Variants in ESYT3 observed in about 807,000 individuals in gnomAD.
The protein encoded by ESYT3 is extended synaptotagmin 3.
A neutral mutation model predicts 111.5 loss-of-function variants in ESYT3; 101 were observed. The ratio of observed to expected loss-of-function variants is 0.91; its 90% confidence interval spans 0.77 to 1.07. The LOEUF (loss-of-function observed/expected upper bound fraction) is 1.07, where lower values mean the gene tolerates loss of function less well. Among genes scored for constraint, ESYT3 ranks in the 50% least tolerant of loss-of-function variants. ESYT3 has a pLI of 0.00. For missense variants in ESYT3, 1,097 were observed against 1,109.4 expected (o/e 0.99, Z 0.16); for synonymous variants, 416 against 446.8 (o/e 0.93, Z 0.87).
chr3:138,463,179 C>G (rs1416733295), intron 8 of ESYT3, among the ~76,000 whole-genome samples: 1 of 152,094 alleles, frequency 6.6e-6, no homozygotes, highest in East Asian at 1.9e-4. Flanking sequence ...ACTGCAACCT[C>G]TGTCTCCTAG....
In ESYT3 at chr3:138,460,045, A is replaced by G. The variant is rs552234007; in HGVS notation, c.738+11A>G. The G allele has an allele frequency of 6.2e-7, 1 of 1,613,124 alleles. No individual in the cohort carries two copies. The highest frequency in any genetic ancestry group is 1.1e-5 in the South Asian group (1 of 91,060). ...TTCCTTCAGAAGCCGGTGAGTCCCAAGGACTGCGGTAAGCCTGCTGCTCCC... is the reference window on the plus strand; with the variant it reads ...TTCCTTCAGAAGCCGGTGAGTCCCAGGGACTGCGGTAAGCCTGCTGCTCCC... On this transcript the variant is annotated intron_variant, in intron 6 of 22. Transcript: ENST00000389567.
chr3:138,460,091 C>T, intron 6 of ESYT3, 57 bp downstream of exon 6: 2 of 1,505,492 alleles, frequency 1.3e-6, no homozygotes, highest in Middle Eastern at 1.7e-4. Flanking sequence ...CACTGGTCTG[C>T]TGGGCCCTAG....
chr3:138,469,004 G>A, intron 14 of ESYT3, 123 bp downstream of exon 14: 1 of 1,057,506 alleles, frequency 9.5e-7, no homozygotes, highest in Non-Finnish European at 1.5e-6. Context: ...GATAACAAGA[G>A]GTGCTGATTG....
chr3:138,458,520 G>C (rs2032429357), intron 4 of ESYT3, among the ~76,000 whole-genome samples: 2 of 152,244 alleles, frequency 1.3e-5, no homozygotes, highest in East Asian at 3.8e-4. Flanking sequence ...GTGACATTGG[G>C]CTCCTCTGCC....
chr3:138,478,518 G>A lies in ESYT3; in HGVS notation c.*1664G>A, dbSNP rs748220525. On this transcript the variant is annotated 3_prime_UTR_variant, in exon 23 of 23. Coordinates refer to ENST00000389567, the MANE Select transcript of ESYT3 (RefSeq NM_031913.5). ...TAAGGGAATGTATCATATGTACATCGAAACATTAGCAACCCTAAAACAGCT... is the reference window on the plus strand; with the variant it reads ...TAAGGGAATGTATCATATGTACATCAAAACATTAGCAACCCTAAAACAGCT... The A allele has an allele frequency of 6.6e-6, 1 of 152,134 alleles. No homozygotes were observed. The highest frequency in any genetic ancestry group is 1.5e-5 in the Non-Finnish European group (1 of 68,018). 9.4% of individuals were successfully genotyped at this position (152,134 alleles called of 1,614,324 possible). A position where few individuals can be genotyped will look rare whatever the true frequency, so the allele number is the denominator to read the frequency against.
chr3:138,438,107 G>A lies in ESYT3; in HGVS notation c.327+2982G>A, dbSNP rs189033024. Reference sequence around the variant, plus strand: ...GCTCTGGGCGTGGTGGGGGCAGCACGGCCCCTTGCACAAGATTTTGGGCAT... The same window carrying A: ...GCTCTGGGCGTGGTGGGGGCAGCACAGCCCCTTGCACAAGATTTTGGGCAT... On this transcript the variant is annotated intron_variant, in intron 1 of 22. Transcript: ENST00000389567. Among the ~76,000 whole-genome samples, 13 of 152,314 alleles carry A rather than the reference G, an allele frequency of 8.5e-5. 1 individual carries two copies. Among genetic ancestry groups the A allele is most frequent in the Non-Finnish European group, 7.3e-5 (5 of 68,028 alleles).
intron 18 of ESYT3, 69 bp downstream of exon 18, chr3:138,472,928 T>C: frequency 1.3e-6 from 2 of 1,540,834 alleles, no homozygotes; most frequent in South Asian, 1.3e-5. Flanking sequence ...GATGGAAAAG[T>C]AGATATGAAC....
intron 3 of ESYT3, among the ~76,000 whole-genome samples, chr3:138,457,031 C>A (rs1180193627): frequency 6.6e-6 from 1 of 152,182 alleles, no homozygotes; most frequent in Non-Finnish European, 1.5e-5. Context: ...CCCTCCTGAC[C>A]ATCGTGGGGT....
chr3:138,476,926 C>T lies in ESYT3; in HGVS notation c.*72C>T. Reference sequence around the variant, plus strand: ...TGTATATATTTTTTCCTTTGGATCACTTACATCCAATATATGTATATTTTG... The same window carrying T: ...TGTATATATTTTTTCCTTTGGATCATTTACATCCAATATATGTATATTTTG... On this transcript the variant is annotated 3_prime_UTR_variant, in exon 23 of 23. Coordinates refer to ENST00000389567, the MANE Select transcript of ESYT3 (RefSeq NM_031913.5). 2 of 1,185,174 alleles carry T rather than the reference C, an allele frequency of 1.7e-6. No individual in the cohort carries two copies. The highest frequency in any genetic ancestry group is 2.2e-5 in the Admixed American group (1 of 46,206). 73.4% of individuals were successfully genotyped at this position (1,185,174 alleles called of 1,614,324 possible).
At chr3:138,468,261 G>A (rs1005536730) in intron 12 of ESYT3, 67 bp downstream of exon 12, 59 of 1,449,478 alleles carry the variant, frequency 4.1e-5, no homozygotes, top group African/African-American at 7.0e-5. Flanking sequence ...GGTGTGTGCA[G>A]GTGGAGGAAG....
Position 138,459,185 on chromosome 3 carries a change from A to G in ESYT3, c.582-2A>G. The G allele has an allele frequency of 2.0e-6, 3 of 1,511,550 alleles. No individual in the cohort carries two copies. Among genetic ancestry groups the G allele is most frequent in the South Asian group, 1.3e-5 (1 of 76,138 alleles). The allele number at this position is 1,511,550 out of a possible 1,614,324, so 93.6% of individuals were successfully genotyped here. On this transcript the variant is annotated splice_acceptor_variant, in intron 4 of 22. Transcript: ENST00000389567. LOFTEE classifies it high-confidence loss of function. ...ACCTTCCTTTTCCACCCCCCATTTC[A>G]GCTACATCGGGGACTGTGAGATCAG...
rs2030604304 is a variant in ESYT3, at chr3:138,435,615, C to T, written c.327+490C>T. Among the ~76,000 whole-genome samples the T allele has an allele frequency of 6.6e-6, 1 of 152,122 alleles. No individual in the cohort carries two copies. Among genetic ancestry groups the T allele is most frequent in the African/African-American group, 2.4e-5 (1 of 41,432 alleles). The stretch of plus-strand genomic sequence containing the variant: ...GGACTGCGGTAGGGGGAGGGCTCCG[C>T]GGGGCTGGAGGTGGAGTGGCGGGTA... On this transcript the variant is annotated intron_variant, in intron 1 of 22. Transcript: ENST00000389567. The surrounding 1 kb of genome is among the most constrained non-coding windows in gnomAD (Gnocchi z 4.8).
At position 138,470,945 on chromosome 3, in the gene ESYT3, T is replaced by C. The variant is rs766084621; in HGVS notation, c.1659T>C (p.Tyr553=). ...TCCCCCTGTGCCAGATCCTCCCCTATGCTGACCTCACTCTTGAGCAGCGCT... is the reference window on the plus strand; with the variant it reads ...TCCCCCTGTGCCAGATCCTCCCCTACGCTGACCTCACTCTTGAGCAGCGCT... The part of the protein sequence containing the change: ...LEVPLCQILP[Y]ADLTLEQRFQ... The change falls in exon 17 of 23, where the codon TAT becomes TAC. Residue 553 remains tyrosine, a synonymous_variant. Coordinates refer to ENST00000389567, the MANE Select transcript of ESYT3 (RefSeq NM_031913.5). The C allele has an allele frequency of 6.2e-7, 1 of 1,614,154 alleles. No homozygotes were observed. The highest frequency in any genetic ancestry group is 8.5e-7 in the Non-Finnish European group (1 of 1,180,040).
intron 1 of ESYT3, among the ~76,000 whole-genome samples, chr3:138,445,930 C>G (rs2031509362): frequency 6.6e-6 from 1 of 152,144 alleles, no homozygotes; most frequent in Non-Finnish European, 1.5e-5. Flanking sequence ...GCTGACATTT[C>G]AGGTGGAGGA....
rs1315034161 is a variant in ESYT3 at position 138,452,098 on chromosome 3, G to GCTGGCAGGGC, written c.369+12_369+21dup. On this transcript the variant is annotated intron_variant, in intron 2 of 22. Transcript: ENST00000389567. ...TCGAGTGGGCCAACAAGGTAAGGCC[G>GCTGGCAGGGC]CTGGCAGGGCCTAGCAGGGCCGGAC... 2.5e-6 allele frequency: 4 copies of GCTGGCAGGGC among 1,607,408 alleles called. No homozygotes were observed. The highest frequency in any genetic ancestry group is 2.8e-5 in the African/African-American group (2 of 71,816).
At chr3:138,469,141 G>A (rs982502109) in intron 14 of ESYT3, 2 of 596,998 alleles carry the variant, frequency 3.4e-6, no homozygotes, top group African/African-American at 3.7e-5. Flanking sequence ...CTAAGAGGAG[G>A]AGCCAGATTC....
At chr3:138,463,778 T>C (rs540003060) in intron 8 of ESYT3, among the ~76,000 whole-genome samples, 12 of 152,238 alleles carry the variant, frequency 7.9e-5, no homozygotes, top group African/African-American at 2.2e-4. Context: ...CAGTCTTTAT[T>C]AACAGAGTTA....
chr3:138,476,190 GCA>G, intron 20 of ESYT3, 31 bp from the exon 21 acceptor site: 1 of 1,338,140 alleles, frequency 7.5e-7, no homozygotes, highest in South Asian at 1.2e-5. Context: ...TGAATGAAAT[GCA>G]TAATTCTCAC....
rs1034135354 is a variant in ESYT3, at chr3:138,435,710, G to A, written c.327+585G>A. Among the ~76,000 whole-genome samples, 2 of 151,834 alleles carry A rather than the reference G, an allele frequency of 1.3e-5. No homozygotes were observed. Among genetic ancestry groups the A allele is most frequent in the African/African-American group, 4.8e-5 (2 of 41,294 alleles). Reference sequence around the variant, plus strand: ...CCTCCCTCCGCCGGATAGGGATGCCGGCACACGCACACTGCCCCGACAAAC... The same window carrying A: ...CCTCCCTCCGCCGGATAGGGATGCCAGCACACGCACACTGCCCCGACAAAC... On this transcript the variant is annotated intron_variant, in intron 1 of 22. Transcript: ENST00000389567. The surrounding 1 kb of genome is among the most constrained non-coding windows in gnomAD (Gnocchi z 4.8).
Sources: gnomAD v4.1 joint callset for allele counts (sites outside exome capture counted in the v4.1 genomes callset) on GRCh38, gnomAD v4.1.1 for gene constraint, Gnocchi (gnomAD v3.1) non-coding constraint, MANE v1.5 for transcripts, NCBI Gene and HGNC (gene_info 2026-07-23, HGNC 2026-07-21) for gene names.